The following MACROD2 variants were observed in gnomAD, a reference collection of about 807,000 sequenced individuals.
MACROD2 encodes ADP-ribose glycohydrolase MACROD2.
A neutral mutation model predicts 70.4 loss-of-function variants in MACROD2; 36 were observed. The observed-to-expected ratio is 0.51, with a 90% CI of 0.39 to 0.68. The LOEUF is 0.68. MACROD2 is among the 30% of genes least tolerant of loss of function. MACROD2 has a pLI of 0.00. For missense variants in MACROD2, 496 were observed against 538.4 expected (o/e 0.92, Z 0.78); for synonymous variants, 172 against 178.8 (o/e 0.96, Z 0.30).
chr20:15,885,930 C>T, intron 10 of MACROD2, 119 bp downstream of exon 10: 2 of 1,131,082 alleles, frequency 1.8e-6, no homozygotes, highest in Non-Finnish European at 2.4e-6. Flanking sequence ...AATATATGCT[C>T]AGTGTTATAA....
chr20:14,034,195 C>T (rs1480104318), intron 2 of MACROD2, among the ~76,000 whole-genome samples: 1 of 152,108 alleles, frequency 6.6e-6, no homozygotes, highest in Admixed American at 6.5e-5. Flanking sequence ...AGGATGGCTA[C>T]GATCTCCTGA....
chr20:15,712,689 C>T (rs933755869), intron 8 of MACROD2, among the ~76,000 whole-genome samples: 37 of 152,294 alleles, frequency 2.4e-4, no homozygotes, highest in African/African-American at 8.9e-4. Context: ...TCTTTCAGTC[C>T]TGGCAGGCTG....
intron 8 of MACROD2, among the ~76,000 whole-genome samples, chr20:15,801,060 G>T (rs1250454290): frequency 1.3e-5 from 2 of 149,682 alleles, no homozygotes; most frequent in Admixed American, 6.7e-5. Flanking sequence ...GCGGAAGTCC[G>T]CAGGGTCCTC....
chr20:14,543,756 A>G (rs2085460205), intron 4 of MACROD2, among the ~76,000 whole-genome samples: 1 of 152,196 alleles, frequency 6.6e-6, no homozygotes, highest in Non-Finnish European at 1.5e-5. Flanking sequence ...AACACCACTT[A>G]CGTTACAATA....
intron 8 of MACROD2, among the ~76,000 whole-genome samples, chr20:15,555,828 C>CAAAAAAAAAA (rs397838341): frequency 7.0e-4 from 13 of 18,510 alleles, no homozygotes; most frequent in East Asian, 2.3e-3. Context: ...GACTCCATCT[C>CAAAAAAAAAA]AAAAAAAAAA....
intron 9 of MACROD2, among the ~76,000 whole-genome samples, chr20:15,881,122 G>A (rs1469608651): frequency 6.6e-6 from 1 of 152,114 alleles, no homozygotes; most frequent in Non-Finnish European, 1.5e-5. Flanking sequence ...ACACAAGGTA[G>A]AGCTCAAGAA....
intron 2 of MACROD2, among the ~76,000 whole-genome samples, chr20:14,066,822 T>G (rs1392352559): frequency 1.3e-5 from 2 of 148,158 alleles, no homozygotes; most frequent in Admixed American, 1.3e-4. Context: ...TTTTTTTTTT[T>G]TTTTTTGAGA....
chr20:14,461,923 T>C (rs2084377358), intron 3 of MACROD2, among the ~76,000 whole-genome samples: 1 of 152,184 alleles, frequency 6.6e-6, no homozygotes, highest in Non-Finnish European at 1.5e-5. Context: ...GTCTTTGCTA[T>C]TGTGAATAGT....
At chr20:14,031,500 T>A (rs1247580580) in intron 2 of MACROD2, among the ~76,000 whole-genome samples, 1 of 152,166 alleles carries the variant, frequency 6.6e-6, no homozygotes, top group African/African-American at 2.4e-5. Context: ...GTTGGTTGTA[T>A]TAATTACAAA....
intron 5 of MACROD2, among the ~76,000 whole-genome samples, chr20:15,032,849 G>A (rs2075286036): frequency 1.3e-5 from 2 of 152,206 alleles, no homozygotes; most frequent in South Asian, 4.1e-4. Context: ...CAGATGAATG[G>A]ATAAGCGAAA....
At chr20:14,324,268 C>CA (rs920063516) in intron 3 of MACROD2, 49 of 137,580 alleles carry the variant, frequency 3.6e-4, no homozygotes, top group African/African-American at 1.1e-3. Flanking sequence ...AAAGGGCGTA[C>CA]AATGCACTTT....
intron 8 of MACROD2, among the ~76,000 whole-genome samples, chr20:15,772,635 G>A (rs1183570266): frequency 1.3e-5 from 2 of 152,052 alleles, no homozygotes; most frequent in Non-Finnish European, 2.9e-5. Context: ...GGTTAGGGAA[G>A]CCTCAGGAAA....
At chr20:14,941,470 G>C (rs1249117985) in intron 5 of MACROD2, among the ~76,000 whole-genome samples, 1 of 152,056 alleles carries the variant, frequency 6.6e-6, no homozygotes, top group Non-Finnish European at 1.5e-5. Context: ...TTTTCCCAGT[G>C]TAGAAACTGT....
chr20:15,977,753 T>C (rs2066330145), intron 13 of MACROD2, among the ~76,000 whole-genome samples: 1 of 152,246 alleles, frequency 6.6e-6, no homozygotes, highest in African/African-American at 2.4e-5. Flanking sequence ...GGAAAATTCA[T>C]GTGTATATAT....
chr20:14,236,705 A>G (rs1048363017), intron 3 of MACROD2, among the ~76,000 whole-genome samples: 7 of 152,102 alleles, frequency 4.6e-5, no homozygotes, highest in African/African-American at 9.7e-5. Flanking sequence ...AGGCTACTGC[A>G]TTTATGAATT....
At chr20:14,957,257 G>GT (rs199570141) in intron 5 of MACROD2, among the ~76,000 whole-genome samples, 11 of 151,260 alleles carry the variant, frequency 7.3e-5, no homozygotes, top group East Asian at 3.9e-4. Context: ...TAATTTCTTA[G>GT]TTTTTTTTGT....
At chr20:14,863,350 A>T (rs1260845574) in intron 5 of MACROD2, among the ~76,000 whole-genome samples, 2 of 152,152 alleles carry the variant, frequency 1.3e-5, no homozygotes, top group Non-Finnish European at 2.9e-5. Flanking sequence ...GATACAGGCC[A>T]CTTCCAGTGC....
chr20:14,106,629 GTGT>G (rs1360129241), intron 3 of MACROD2, among the ~76,000 whole-genome samples: 2 of 152,170 alleles, frequency 1.3e-5, no homozygotes, highest in East Asian at 1.9e-4. Context: ...GCAGGACCTG[GTGT>G]TGTGCTGGCT....
At chr20:15,947,558 A>G (rs1230570384) in intron 12 of MACROD2, among the ~76,000 whole-genome samples, 2 of 152,194 alleles carry the variant, frequency 1.3e-5, no homozygotes, top group Non-Finnish European at 1.5e-5. Flanking sequence ...ACAGCATCCC[A>G]GGGCAAAGCA....
Sources: allele counts gnomAD v4.1 joint callset (sites outside exome capture counted in the v4.1 genomes callset), GRCh38; gene constraint gnomAD v4.1.1; transcripts MANE v1.5; gene names NCBI Gene and HGNC (gene_info 2026-07-23, HGNC 2026-07-21).